PCDH9: variants seen among roughly 807,000 people sequenced by gnomAD.
PCDH9 encodes the protein protocadherin-9.
Under a neutral mutation model 70.6 loss-of-function variants are expected in PCDH9, and 24 were observed. The observed-to-expected ratio is 0.34, with a 90% CI of 0.25 to 0.48. PCDH9 has a LOEUF of 0.48. PCDH9 is among the 20% of genes least tolerant of loss of function. The probability of loss-of-function intolerance (pLI) is 0.99; values close to 1 mark genes in which losing one functional copy is unlikely to be tolerated. For synonymous variants in PCDH9, 562 were observed against 558.5 expected, an observed-to-expected ratio of 1.01 and a Z score of -0.09; for missense variants, 1,281 against 1,503.6, an observed-to-expected ratio of 0.85 and a Z score of 2.45.
chr13:66,602,943 T>C (rs1329155287), intron 4 of PCDH9, among the ~76,000 whole-genome samples: 1 of 146,138 alleles, frequency 6.8e-6, no homozygotes, highest in African/African-American at 2.5e-5. Flanking sequence ...TATAGTAACA[T>C]GTTGTACATG....
chr13:67,164,588 A>G (rs1375208889), intron 2 of PCDH9, among the ~76,000 whole-genome samples: 2 of 122,794 alleles, frequency 1.6e-5, no homozygotes, highest in African/African-American at 2.9e-5. Flanking sequence ...AAAAAAAAAA[A>G]AAGAAAAAAA....
chr13:66,730,529 G>A (rs1235308199), intron 3 of PCDH9, among the ~76,000 whole-genome samples: 1 of 151,960 alleles, frequency 6.6e-6, no homozygotes, highest in Non-Finnish European at 1.5e-5. Flanking sequence ...AGGGCACCAT[G>A]TACCAGTCAT....
At chr13:66,669,349 C>G (rs1404974994) in intron 3 of PCDH9, among the ~76,000 whole-genome samples, 1 of 152,130 alleles carries the variant, frequency 6.6e-6, no homozygotes. Flanking sequence ...GAAGATGAAC[C>G]AGTTTCCAGC....
intron 4 of PCDH9, among the ~76,000 whole-genome samples, chr13:66,310,860 TCTGA>T (rs1390612449): frequency 6.6e-6 from 1 of 152,112 alleles, no homozygotes; most frequent in Non-Finnish European, 1.5e-5. Flanking sequence ...GGAATACACA[TCTGA>T]CTGTCATGTT....
chr13:66,522,730 G>A (rs1960052944), intron 4 of PCDH9, among the ~76,000 whole-genome samples: 1 of 151,990 alleles, frequency 6.6e-6, no homozygotes. Context: ...ACAAGCTAAA[G>A]GGCATGTGGA....
chr13:66,324,804 T>C (rs1344647177), intron 4 of PCDH9, among the ~76,000 whole-genome samples: 1 of 152,010 alleles, frequency 6.6e-6, no homozygotes. Flanking sequence ...AACATGTAGA[T>C]TAATATAATT....
At chr13:67,149,858 C>T (rs2087613739) in intron 2 of PCDH9, among the ~76,000 whole-genome samples, 1 of 152,052 alleles carries the variant, frequency 6.6e-6, no homozygotes, top group Non-Finnish European at 1.5e-5. Flanking sequence ...ATGAACACCC[C>T]ATATGGTATT....
chr13:66,674,965 A>C (rs1295693736), intron 3 of PCDH9, among the ~76,000 whole-genome samples: 1 of 152,136 alleles, frequency 6.6e-6, no homozygotes, highest in Non-Finnish European at 1.5e-5. Context: ...ATTTTAAATC[A>C]GTCCTCATAA....
At chr13:66,906,326 T>C (rs753084282) in intron 2 of PCDH9, among the ~76,000 whole-genome samples, 32 of 152,306 alleles carry the variant, frequency 2.1e-4, no homozygotes, top group Non-Finnish European at 3.4e-4. Context: ...AATTTGATAA[T>C]AGTTCAAACA....
rs916439898 is a variant in PCDH9, at chr13:66,492,671, C to T, written c.3340+138539G>A. On this transcript the variant is annotated intron_variant, in intron 4 of 4. Transcript: ENST00000377865. ...TCATGCTATAAATAACCACCAGGTG[C>T]CACTCAGAGATGGTGGAAGCCTCAT... 4.6e-5 allele frequency among the ~76,000 whole-genome samples: 7 copies of T among 151,826 alleles called. No individual in the cohort carries two copies. The East Asian group carries it at 9.7e-4, about 21-fold the overall frequency.
At chr13:67,115,934 G>A (rs2086761713) in intron 2 of PCDH9, among the ~76,000 whole-genome samples, 1 of 152,240 alleles carries the variant, frequency 6.6e-6, no homozygotes, top group African/African-American at 2.4e-5. Flanking sequence ...GCACAGCTTA[G>A]TTTATTAGGA....
intron 2 of PCDH9, among the ~76,000 whole-genome samples, chr13:67,170,689 T>G (rs1352969520): frequency 6.6e-6 from 1 of 151,862 alleles, no homozygotes; most frequent in Non-Finnish European, 1.5e-5. Flanking sequence ...CTTTGGGAGG[T>G]CGAGGCCGGC....
chr13:66,357,827 A>G (rs1200436920), intron 4 of PCDH9, among the ~76,000 whole-genome samples: 1 of 152,106 alleles, frequency 6.6e-6, no homozygotes, highest in Non-Finnish European at 1.5e-5. Flanking sequence ...CAACTTCAGC[A>G]TGGAACGCAG....
intron 3 of PCDH9, chr13:66,886,113 T>C (rs764313400): frequency 2.0e-5 from 3 of 152,198 alleles, no homozygotes; most frequent in Non-Finnish European, 4.4e-5. Flanking sequence ...ACTGTTTTTG[T>C]TCTGTTAATT....
At chr13:66,537,139 A>G (rs917020886) in intron 4 of PCDH9, among the ~76,000 whole-genome samples, 5 of 152,116 alleles carry the variant, frequency 3.3e-5, no homozygotes. Flanking sequence ...TGCCAGAAGC[A>G]TGCTCAGGTA....
In PCDH9 at chr13:66,764,856, C is replaced by T. The variant is rs531629796; in HGVS notation, c.3139-133445G>A. ...ATTAATTATCAGAACTCTGAAATAG[C>T]GCTAAAAATACAACAAAAGAAAAAA... On this transcript the variant is annotated intron_variant, in intron 3 of 4. Coordinates refer to ENST00000377865, the MANE Select transcript of PCDH9 (RefSeq NM_203487.3). Among the ~76,000 whole-genome samples, 10 of 151,760 alleles carry T rather than the reference C, an allele frequency of 6.6e-5. No individual in the cohort carries two copies. In the South Asian group the frequency reaches 1.7e-3, roughly 25 times the overall value.
At chr13:67,168,871 T>A (rs1409424805) in intron 2 of PCDH9, among the ~76,000 whole-genome samples, 1 of 152,218 alleles carries the variant, frequency 6.6e-6, no homozygotes, top group Non-Finnish European at 1.5e-5. Flanking sequence ...TTGAAAAAGT[T>A]CAACTTTTTC....
rs1029662905 is a variant in PCDH9 at position 66,631,559 on chromosome 13, A to G, written c.3139-148T>C. 6.8e-6 allele frequency: 4 copies of G among 592,210 alleles called. No individual in the cohort carries two copies. In the East Asian group the frequency reaches 1.1e-4, roughly 16 times the overall value. 36.7% of individuals were successfully genotyped at this position (592,210 alleles called of 1,614,324 possible). Reference sequence around the variant, plus strand: ...AGGAACAAAGCTAAGAACAAGTATTAATTACTTGCCATTTACTATGTAATG... The same window carrying G: ...AGGAACAAAGCTAAGAACAAGTATTGATTACTTGCCATTTACTATGTAATG... On this transcript the variant is annotated intron_variant, in intron 3 of 4. Coordinates refer to ENST00000377865, the MANE Select transcript of PCDH9 (RefSeq NM_203487.3).
chr13:66,510,282 T>A (rs1203008802), intron 4 of PCDH9, among the ~76,000 whole-genome samples: 2 of 152,002 alleles, frequency 1.3e-5, no homozygotes, highest in East Asian at 3.9e-4. Context: ...CTCAAGAATC[T>A]AATAATTTTG....
Sources: allele counts gnomAD v4.1 joint callset (sites outside exome capture counted in the v4.1 genomes callset), GRCh38; gene constraint gnomAD v4.1.1; transcripts MANE v1.5; gene names NCBI Gene and HGNC (gene_info 2026-07-23, HGNC 2026-07-21).